PDCD2: variants seen among roughly 807,000 people sequenced by gnomAD.
The protein encoded by PDCD2 is uS5 assembly chaperone PDCD2.
Under a neutral mutation model 38.1 loss-of-function variants are expected in PDCD2, and 38 were observed. The ratio of observed to expected loss-of-function variants is 1.00; its 90% CI spans 0.77 to 1.31. The LOEUF is 1.31. PDCD2 is among the 50% of genes most tolerant of loss of function. PDCD2 has a pLI of 0.00. For missense variants in PDCD2, 473 were observed against 435.7 expected (o/e 1.09, Z -0.76); for synonymous variants, 205 against 168.9 (o/e 1.21, Z -1.66).
At chr6:170,582,264 C>T (rs1168861979) in intron 3 of PDCD2, 1 of 1,473,590 alleles carries the variant, frequency 6.8e-7, no homozygotes, top group Non-Finnish European at 9.2e-7. Context: ...CCCATTATAT[C>T]CCTGTTATCA....
chr6:170,582,053 A>G, intron 3 of PDCD2: 3 of 1,452,012 alleles, frequency 2.1e-6, no homozygotes, highest in Non-Finnish European at 2.7e-6. Context: ...TCCTAAAGAT[A>G]AGCATTTTCA....
chr6:170,582,471 T>C (rs1160092825), intron 3 of PDCD2: 107 of 1,398,888 alleles, frequency 7.6e-5, no homozygotes, highest in Non-Finnish European at 2.7e-5. Flanking sequence ...AGAACCTCAA[T>C]TTCCTCACCT....
At chr6:170,580,701 T>A (rs1779570548) in intron 3 of PDCD2, among the ~76,000 whole-genome samples, 1 of 151,270 alleles carries the variant, frequency 6.6e-6, no homozygotes, top group African/African-American at 2.4e-5. Flanking sequence ...GGCGACAGAG[T>A]GAGACTCCGT....
intron 4 of PDCD2, 33 bp downstream of exon 4, chr6:170,579,969 G>T: frequency 9.4e-7 from 1 of 1,066,154 alleles, no homozygotes; most frequent in Non-Finnish European, 1.5e-6. Context: ...GGCCTGAAGA[G>T]AACACGATGA....
In PDCD2 at chr6:170,582,198, ATAT is replaced by A. The variant is rs1049009257; in HGVS notation, c.658+856_658+858del. ...ATTATATGGACTTTAACTTCCCCAG[ATAT>A]TATTTGGGCTCCTCCATAAGACTGT... On this transcript the variant is annotated intron_variant, in intron 3 of 5. Coordinates refer to ENST00000541970, the MANE Select transcript of PDCD2 (RefSeq NM_002598.4). 13 of 1,479,162 alleles carry A rather than the reference ATAT, an allele frequency of 8.8e-6. No homozygotes were observed. The African/African-American group carries it at 1.1e-4, about 13-fold the overall frequency. 91.6% of individuals were successfully genotyped at this position (1,479,162 alleles called of 1,614,324 possible). A position where few individuals can be genotyped will look rare whatever the true frequency, so the allele number is the denominator to read the frequency against.
At chr6:170,581,967 A>C in intron 3 of PDCD2, 1 of 615,050 alleles carries the variant, frequency 1.6e-6, no homozygotes, top group Non-Finnish European at 2.6e-6. Context: ...ACAGTTCCAC[A>C]GTCACATTTA....
At chr6:170,584,269 G>A in intron 1 of PDCD2, 30 bp downstream of exon 1, 1 of 1,395,172 alleles carries the variant, frequency 7.2e-7, no homozygotes, top group Non-Finnish European at 9.3e-7. Context: ...CGGAGGCATG[G>A]CCCCGTCCCG....
Position 170,580,038 on chromosome 6 carries a change from C to T in PDCD2, c.726G>A (p.Gln242=). ...KHESREDKIF[Q]KFKTQIALEP... ...CAAGGGCTATCTGAGTTTTAAACTT[C>T]TGAAAAATTTTATCTTCCCTGGATT... is the stretch of plus-strand genomic sequence containing the variant. The change falls in exon 4 of 6, where the codon CAG becomes CAA. Residue 242 remains glutamine (Q), a synonymous_variant. Transcript: ENST00000541970. 1 of 1,610,754 alleles carries T rather than the reference C, an allele frequency of 6.2e-7. No homozygotes were observed. The highest frequency in any genetic ancestry group is 1.1e-5 in the South Asian group (1 of 90,988).
At position 170,584,497 on chromosome 6, in the gene PDCD2, T is replaced by G. The variant is rs1779751004; in HGVS notation, c.85A>C (p.Ser29Arg). ...AWRLRSEQFP[S>R]KVGGRPAWLG... The stretch of plus-strand genomic sequence containing the variant: ...CATGCCGGCCGCCCGCCCACCTTGC[T>G]GGGGAACTGCTCGCTGCGCAGTCGC... The change falls in exon 1 of 6, where the codon AGC becomes CGC. Residue 29 changes from serine to arginine, a missense_variant. By Grantham distance (110) the Ser-to-Arg change is moderately radical (BLOSUM62 -1). Transcript: ENST00000541970. 1 of 1,356,370 alleles carries G rather than the reference T, an allele frequency of 7.4e-7. No individual in the cohort carries two copies. The highest frequency in any genetic ancestry group is 1.8e-5 in the South Asian group (1 of 54,752). 84.0% of individuals were successfully genotyped at this position (1,356,370 alleles called of 1,614,324 possible). A position where few individuals can be genotyped will look rare whatever the true frequency, so the allele number is the denominator to read the frequency against.
intron 1 of PDCD2, 44 bp downstream of exon 1, chr6:170,584,255 G>T: frequency 7.4e-7 from 1 of 1,353,034 alleles, no homozygotes. Context: ...CGCCGCGCAC[G>T]CGTCGGAGGC....
Position 170,577,509 on chromosome 6 carries a change from A to C in PDCD2, c.*50T>G. 1.8e-4 allele frequency: 249 copies of C among 1,352,718 alleles called. No homozygotes were observed. Among genetic ancestry groups the C allele is most frequent in the Non-Finnish European group, 2.4e-4 (229 of 955,704 alleles). The allele number at this position is 1,352,718 out of a possible 1,614,324, so 83.8% of individuals were successfully genotyped here. ...CTTAGGATAAAATCCCAGAAATGGA[A>C]TTGCAAGGTATAAAAGATTATTAAC... On this transcript the variant is annotated 3_prime_UTR_variant, in exon 6 of 6. Coordinates refer to ENST00000541970, the MANE Select transcript of PDCD2 (RefSeq NM_002598.4).
Position 170,584,464 on chromosome 6 carries a change from C to CGCCCAGCCAT in PDCD2, c.108_117dup (p.Ala40MetfsTer61). 2 of 1,310,932 alleles carry CGCCCAGCCAT rather than the reference C, an allele frequency of 1.5e-6. No homozygotes were observed. Among genetic ancestry groups the CGCCCAGCCAT allele is most frequent in the Non-Finnish European group, 1.9e-6 (2 of 1,037,872 alleles). 81.2% of individuals were successfully genotyped at this position (1,310,932 alleles called of 1,614,324 possible). ...GCCTGGGGCCCCGGCAGCCCGGCCG[C>CGCCCAGCCAT]GCCCAGCCATGCCGGCCGCCCGCCC... On this transcript the variant is annotated frameshift_variant, in exon 1 of 6. Transcript: ENST00000541970. LOFTEE classifies it high-confidence loss of function.
Position 170,584,341 on chromosome 6 carries a change from G to C in PDCD2, c.241C>G (p.Leu81Val). 1 of 1,502,128 alleles carries C rather than the reference G, an allele frequency of 6.7e-7. No homozygotes were observed. The highest frequency in any genetic ancestry group is 8.8e-7 in the Non-Finnish European group (1 of 1,131,652). 93.0% of individuals were successfully genotyped at this position (1,502,128 alleles called of 1,614,324 possible). A position where few individuals can be genotyped will look rare whatever the true frequency, so the allele number is the denominator to read the frequency against. Reference sequence around the variant, plus strand: ...CACGGCTGCTCGCGGCAGCAGAAGAGGAAGATGCAGCGGTGGAAGGCGTCC... The same window carrying C: ...CACGGCTGCTCGCGGCAGCAGAAGACGAAGATGCAGCGGTGGAAGGCGTCC... ...RPDAFHRCIF[L>V]FCCREQPCCA... Residue 81 changes from leucine (L) to valine (V), a missense_variant, in exon 1 of 6, where the codon CTC (leucine) becomes GTC (valine). Physicochemically the swap from Leu to Val is conservative, Grantham distance 32. Coordinates refer to ENST00000541970, the MANE Select transcript of PDCD2 (RefSeq NM_002598.4).
intron 1 of PDCD2, 70 bp from the exon 2 acceptor site, chr6:170,583,817 C>A: frequency 3.4e-6 from 4 of 1,166,240 alleles, no homozygotes; most frequent in East Asian, 5.1e-5. Context: ...ATCCTCTGCA[C>A]GTAAAACTGA....
intron 3 of PDCD2, chr6:170,582,369 A>G (rs992557610): frequency 7.2e-6 from 11 of 1,527,850 alleles, no homozygotes; most frequent in Non-Finnish European, 9.6e-6. Context: ...TTTCATTTTG[A>G]GTCTATAAAT....
rs772956025 is a variant in PDCD2, at chr6:170,576,565, G to A, written c.*994C>T. Reference sequence around the variant, plus strand: ...GTCAACTGTGAGCTGCTAGGGGATGGAAGAAACCTTAGTGTAGTCTTAGGA... The same window carrying A: ...GTCAACTGTGAGCTGCTAGGGGATGAAAGAAACCTTAGTGTAGTCTTAGGA... On this transcript the variant is annotated 3_prime_UTR_variant, in exon 6 of 6. Coordinates refer to ENST00000541970, the MANE Select transcript of PDCD2 (RefSeq NM_002598.4). 1 of 152,300 alleles carries A rather than the reference G, an allele frequency of 6.6e-6. No homozygotes were observed. Among genetic ancestry groups the A allele is most frequent in the African/African-American group, 2.4e-5 (1 of 41,466 alleles). 9.4% of individuals were successfully genotyped at this position (152,300 alleles called of 1,614,324 possible). A position where few individuals can be genotyped will look rare whatever the true frequency, so the allele number is the denominator to read the frequency against.
chr6:170,578,529 T>C (rs1228331603), intron 5 of PDCD2: 1 of 684,260 alleles, frequency 1.5e-6, no homozygotes, highest in Admixed American at 2.2e-5. Context: ...GAAAGGAAGG[T>C]ATACATTATT....
In PDCD2 at chr6:170,583,565, T is replaced by C. The variant is rs1459879826; in HGVS notation, c.466A>G (p.Ser156Gly). 2 of 1,613,772 alleles carry C rather than the reference T, an allele frequency of 1.2e-6. No individual in the cohort carries two copies. ...CAGTCTAGGGTCTGATGCTCCTTGC[T>C]GCAGTAATATGCTTTGTGGCATCTG... ...CSRCHKAYYC[S>G]KEHQTLDWRL... The change falls in exon 2 of 6, where the codon AGC (serine) becomes GGC (glycine). Residue 156 changes from serine (S) to glycine (G), a missense_variant. By Grantham distance (56) the Ser-to-Gly change is moderately conservative (BLOSUM62 0). Transcript: ENST00000541970.
chr6:170,582,953 C>G (rs969446403), intron 3 of PDCD2, 104 bp downstream of exon 3: 38 of 1,513,334 alleles, frequency 2.5e-5, no homozygotes, highest in Middle Eastern at 4.9e-4. Flanking sequence ...CTACAGCCTC[C>G]AAAGTGAGTC....
Sources: allele counts gnomAD v4.1 joint callset (sites outside exome capture counted in the v4.1 genomes callset), GRCh38; gene constraint gnomAD v4.1.1; transcripts MANE v1.5; gene names NCBI Gene and HGNC (gene_info 2026-07-23, HGNC 2026-07-21).